MAP4K4: variants seen among roughly 807,000 people sequenced by gnomAD.
MAP4K4 encodes the protein HPK/GCK-like kinase HGK.
MAP4K4 carries 38 observed loss-of-function variants against 189.6 expected under a neutral mutation model. That is an observed-to-expected ratio of 0.20 (90% CI 0.15 to 0.26). The LOEUF (loss-of-function observed/expected upper bound fraction) is 0.26. MAP4K4 is among the 10% of genes least tolerant of loss of function. The pLI, the probability that MAP4K4 is intolerant of heterozygous loss-of-function variation, is 1.00. For missense variants in MAP4K4, 1,054 were observed against 1,726.9 expected, an observed-to-expected ratio of 0.61 and a Z score of 6.91; for synonymous variants, 610 against 624.3, an observed-to-expected ratio of 0.98 and a Z score of 0.34.
chr2:101,781,646 A>G (rs1419705810), intron 2 of MAP4K4, among the ~76,000 whole-genome samples: 3 of 152,138 alleles, frequency 2.0e-5, no homozygotes, highest in African/African-American at 7.2e-5. Flanking sequence ...TCCTGGCCTT[A>G]CACCTCTCAT....
intron 10 of MAP4K4, 33 bp from the exon 11 acceptor site, chr2:101,842,576 A>G: frequency 6.6e-7 from 1 of 1,512,824 alleles, no homozygotes; most frequent in Non-Finnish European, 9.0e-7. Context: ...GGACTTGTGA[A>G]CTGTCCCATT....
chr2:101,722,733 T>C (rs902597499), intron 2 of MAP4K4, among the ~76,000 whole-genome samples: 6 of 152,332 alleles, frequency 3.9e-5, no homozygotes, highest in Admixed American at 3.9e-4. Context: ...ATACCTGTGT[T>C]GTTTTTGGAG....
intron 12 of MAP4K4, among the ~76,000 whole-genome samples, chr2:101,855,592 A>G (rs929439258): frequency 6.6e-6 from 1 of 151,540 alleles, no homozygotes; most frequent in African/African-American, 2.4e-5. Context: ...TCTTTGCTGT[A>G]TTTCTATTTC....
chr2:101,717,145 C>G (rs1345393932), intron 2 of MAP4K4, among the ~76,000 whole-genome samples: 4 of 152,062 alleles, frequency 2.6e-5, no homozygotes, highest in African/African-American at 9.7e-5. Context: ...TTTTGGTGCT[C>G]AAATACCTTA....
intron 21 of MAP4K4, among the ~76,000 whole-genome samples, chr2:101,868,715 C>T (rs901981519): frequency 3.9e-5 from 6 of 152,222 alleles, no homozygotes; most frequent in African/African-American, 9.6e-5. Flanking sequence ...CACTCAGGGT[C>T]GCAGTGTCTC....
intron 2 of MAP4K4, among the ~76,000 whole-genome samples, chr2:101,727,567 A>C (rs1293572799): frequency 1.3e-5 from 2 of 152,236 alleles, no homozygotes; most frequent in African/African-American, 4.8e-5. Context: ...TTAGACTCTT[A>C]AAATTTTGGG....
chr2:101,844,044 CACTT>C, intron 11 of MAP4K4, 53 bp from the exon 12 acceptor site: 1 of 1,207,412 alleles, frequency 8.3e-7, no homozygotes, highest in South Asian at 1.3e-5. Context: ...GCTATTGACT[CACTT>C]ATAGGACAGT....
At position 101,874,365 on chromosome 2, in the gene MAP4K4, A is replaced by G. The variant is rs894433985; in HGVS notation, c.3241+113A>G. The G allele has an allele frequency of 5.5e-6, 5 of 902,532 alleles. No individual in the cohort carries two copies. The African/African-American group carries it at 6.7e-5, about 12-fold the overall frequency. The allele number at this position is 902,532 out of a possible 1,614,324, so 55.9% of individuals were successfully genotyped here. Reference sequence around the variant, plus strand: ...TGGATAGACAGGATGGAAGACTTCTATGATGTCCATCTCCTGTTATATGCA... The same window carrying G: ...TGGATAGACAGGATGGAAGACTTCTGTGATGTCCATCTCCTGTTATATGCA... On this transcript the variant is annotated intron_variant, in intron 26 of 32. Transcript: ENST00000324219.
At chr2:101,768,020 G>A (rs1277972304) in intron 2 of MAP4K4, among the ~76,000 whole-genome samples, 2 of 152,168 alleles carry the variant, frequency 1.3e-5, no homozygotes, top group Admixed American at 1.3e-4. Context: ...GTAGGTAATT[G>A]AAACACAGAT....
intron 19 of MAP4K4, 87 bp from the exon 20 acceptor site, chr2:101,867,125 A>G (rs1290351182): frequency 1.5e-6 from 1 of 669,038 alleles, no homozygotes; most frequent in Non-Finnish European, 2.5e-6. Context: ...GGCAGACAGG[A>G]GTGGGCGGGG....
chr2:101,714,375 A>G (rs892809628), intron 2 of MAP4K4, among the ~76,000 whole-genome samples: 2 of 152,192 alleles, frequency 1.3e-5, no homozygotes, highest in Admixed American at 6.5e-5. Flanking sequence ...ACTTTGAGAA[A>G]GTTATGCCAT....
intron 2 of MAP4K4, among the ~76,000 whole-genome samples, chr2:101,701,862 G>T (rs1473513375): frequency 7.1e-6 from 1 of 139,960 alleles, no homozygotes; most frequent in African/African-American, 2.5e-5. Context: ...TGTTATTTTG[G>T]ATTTTATTGT....
chr2:101,886,435 A>G (rs2098483020), intron 29 of MAP4K4, among the ~76,000 whole-genome samples: 1 of 152,200 alleles, frequency 6.6e-6, no homozygotes, highest in East Asian at 1.9e-4. Flanking sequence ...TGTGACTCCT[A>G]CAACTCCTCT....
chr2:101,720,188 T>C (rs908652144), intron 2 of MAP4K4, among the ~76,000 whole-genome samples: 19 of 139,240 alleles, frequency 1.4e-4, no homozygotes, highest in Admixed American at 1.2e-3. Flanking sequence ...CAGTGGTGTT[T>C]TTTTTTTTTT....
chr2:101,779,153 T>C (rs2085928771), intron 2 of MAP4K4, among the ~76,000 whole-genome samples: 1 of 152,186 alleles, frequency 6.6e-6, no homozygotes, highest in Non-Finnish European at 1.5e-5. Context: ...AGTGCTTCTT[T>C]ATCGGCCCTT....
intron 2 of MAP4K4, among the ~76,000 whole-genome samples, chr2:101,736,497 A>G (rs1365434509): frequency 6.6e-6 from 1 of 152,026 alleles, no homozygotes; most frequent in African/African-American, 2.4e-5. Context: ...GTGTTTTTAC[A>G]TTTGTTTGTG....
At chr2:101,698,951 A>G (rs1361417609) in intron 2 of MAP4K4, among the ~76,000 whole-genome samples, 2 of 152,160 alleles carry the variant, frequency 1.3e-5, no homozygotes, top group African/African-American at 2.4e-5. Flanking sequence ...GAAAATTGTC[A>G]TCATGTTTCA....
intron 2 of MAP4K4, among the ~76,000 whole-genome samples, chr2:101,770,361 G>A (rs757314001): frequency 2.7e-5 from 4 of 148,124 alleles, no homozygotes; most frequent in Non-Finnish European, 5.9e-5. Context: ...TGATTCTCCT[G>A]CCTCAGCCTC....
chr2:101,750,426 C>T (rs1265134905), intron 2 of MAP4K4, among the ~76,000 whole-genome samples: 1 of 146,104 alleles, frequency 6.8e-6, no homozygotes, highest in Non-Finnish European at 1.5e-5. Context: ...AACCAAACAC[C>T]GCATATTCTC....
Sources: gnomAD v4.1 joint callset for allele counts (sites outside exome capture counted in the v4.1 genomes callset) on GRCh38, gnomAD v4.1.1 for gene constraint, MANE v1.5 for transcripts, NCBI Gene and HGNC (gene_info 2026-07-23, HGNC 2026-07-21) for gene names.